Variants in MEMO1 observed in about 807,000 individuals in gnomAD.
The protein encoded by MEMO1 is mediator of cell motility 1, also known as protein MEMO1.
Under a neutral mutation model 45.2 loss-of-function variants are expected in MEMO1, and 6 were observed. That is an observed-to-expected ratio of 0.13 (90% CI 0.07 to 0.26). MEMO1 has a LOEUF of 0.26. Among genes scored for constraint, MEMO1 ranks in the 10% least tolerant of loss-of-function variants. MEMO1 has a pLI of 1.00. For synonymous variants in MEMO1, 78 were observed against 124.3 expected (o/e 0.63, Z 2.48); for missense variants, 184 against 370.5 (o/e 0.50, Z 4.13).
chr2:31,997,273 A>G (rs555885023), intron 2 of MEMO1, among the ~76,000 whole-genome samples: 3 of 152,358 alleles, frequency 2.0e-5, no homozygotes, highest in East Asian at 1.9e-4. Flanking sequence ...GTAAAATGTA[A>G]TAAGAAATCG....
At chr2:31,990,571 C>CATT (rs1349949014) in intron 2 of MEMO1, among the ~76,000 whole-genome samples, 2 of 119,996 alleles carry the variant, frequency 1.7e-5, no homozygotes, top group Non-Finnish European at 1.8e-5. Context: ...AATTTTTTTT[C>CATT]TTTTTTTTTT....
At chr2:31,958,896 C>G (rs1180272307) in intron 2 of MEMO1, among the ~76,000 whole-genome samples, 2 of 152,216 alleles carry the variant, frequency 1.3e-5, no homozygotes, top group Non-Finnish European at 2.9e-5. Context: ...AGCAATCCAT[C>G]TGCCTCAGCC....
chr2:31,977,430 C>T (rs959659102), intron 2 of MEMO1, among the ~76,000 whole-genome samples: 4 of 152,048 alleles, frequency 2.6e-5, no homozygotes, highest in Non-Finnish European at 5.9e-5. Flanking sequence ...CAATGATGAC[C>T]GCAGGAAAAC....
chr2:31,947,769 T>C (rs1479389681), intron 2 of MEMO1, among the ~76,000 whole-genome samples: 1 of 152,108 alleles, frequency 6.6e-6, no homozygotes, highest in Non-Finnish European at 1.5e-5. Context: ...AAGAATATTT[T>C]CCAAGTAAGT....
At chr2:32,010,422 CAGG>C (rs1162981241) in intron 1 of MEMO1, 158 bp from the exon 2 acceptor site, 12 of 415,016 alleles carry the variant, frequency 2.9e-5, no homozygotes, top group Non-Finnish European at 4.5e-5. Flanking sequence ...GGCGGCGGCC[CAGG>C]AGGAGGAGAT....
At chr2:31,927,753 T>C (rs1351084826) in intron 4 of MEMO1, among the ~76,000 whole-genome samples, 1 of 152,036 alleles carries the variant, frequency 6.6e-6, no homozygotes, top group Admixed American at 6.5e-5. Context: ...ATTTGTTTAC[T>C]TTTTTAAATA....
chr2:31,968,627 A>G (rs1388530723), intron 2 of MEMO1, among the ~76,000 whole-genome samples: 1 of 152,170 alleles, frequency 6.6e-6, no homozygotes, highest in African/African-American at 2.4e-5. Flanking sequence ...CTTTTCTTTC[A>G]ATTGTTTCCC....
intron 2 of MEMO1, among the ~76,000 whole-genome samples, chr2:31,953,486 C>T (rs977602039): frequency 1.3e-5 from 2 of 148,366 alleles, no homozygotes; most frequent in Admixed American, 1.3e-4. Context: ...GACGGAGTCT[C>T]GCTCTGTCAC....
chr2:31,923,610 C>T, intron 4 of MEMO1: 3 of 1,525,112 alleles, frequency 2.0e-6, no homozygotes, highest in Non-Finnish European at 2.6e-6. Context: ...GTTTAGGTAG[C>T]CTGACTAGGG....
intron 6 of MEMO1, among the ~76,000 whole-genome samples, chr2:31,894,974 C>T (rs905612154): frequency 6.6e-6 from 1 of 151,962 alleles, no homozygotes; most frequent in South Asian, 2.1e-4. Context: ...TAGCTAAGCA[C>T]TAAATTAAGG....
At chr2:31,956,826 T>C (rs926572716) in intron 2 of MEMO1, among the ~76,000 whole-genome samples, 1 of 152,170 alleles carries the variant, frequency 6.6e-6, no homozygotes, top group Non-Finnish European at 1.5e-5. Flanking sequence ...TTTGTATTTA[T>C]GTAGAATATC....
At chr2:31,968,632 T>C (rs1295805065) in intron 2 of MEMO1, among the ~76,000 whole-genome samples, 1 of 152,198 alleles carries the variant, frequency 6.6e-6, no homozygotes, top group East Asian at 1.9e-4. Flanking sequence ...CTTTCAATTG[T>C]TTCCCTGACA....
chr2:31,922,956 G>A (rs1682539233), intron 4 of MEMO1, among the ~76,000 whole-genome samples: 1 of 151,906 alleles, frequency 6.6e-6, no homozygotes, highest in African/African-American at 2.4e-5. Context: ...TGTCTTTATG[G>A]CAGAACAATT....
intron 6 of MEMO1, among the ~76,000 whole-genome samples, chr2:31,896,282 C>CTTAATTA (rs1677800394): frequency 6.6e-6 from 1 of 152,130 alleles, no homozygotes; most frequent in Non-Finnish European, 1.5e-5. Flanking sequence ...CTTTGCTTCA[C>CTTAATTA]ACCATATGCA....
At chr2:31,882,174 T>C (rs1315755132) in intron 8 of MEMO1, among the ~76,000 whole-genome samples, 1 of 151,458 alleles carries the variant, frequency 6.6e-6, no homozygotes, top group Non-Finnish European at 1.5e-5. Context: ...TAAATATTAG[T>C]TGGGTATGGT....
intron 2 of MEMO1, among the ~76,000 whole-genome samples, chr2:31,958,371 G>A (rs866589581): frequency 1.3e-5 from 2 of 151,194 alleles, no homozygotes; most frequent in Admixed American, 6.6e-5. Context: ...ATGTAAAAAA[G>A]GTGCCTGGAT....
chr2:31,948,441 G>T (rs1006102560), intron 2 of MEMO1, among the ~76,000 whole-genome samples: 3 of 152,198 alleles, frequency 2.0e-5, no homozygotes, highest in Non-Finnish European at 4.4e-5. Flanking sequence ...CCAAATAAAA[G>T]TAGGCCGTTG....
At chr2:31,898,466 G>A (rs559805405) in intron 6 of MEMO1, among the ~76,000 whole-genome samples, 7 of 152,144 alleles carry the variant, frequency 4.6e-5, no homozygotes, top group East Asian at 1.9e-4. Flanking sequence ...CCTTAATTTC[G>A]TAATTTACCC....
chr2:31,871,976 T>TGCACTCCA (rs1673826450), intron 8 of MEMO1, among the ~76,000 whole-genome samples: 1 of 149,498 alleles, frequency 6.7e-6, no homozygotes, highest in Non-Finnish European at 1.5e-5. Flanking sequence ...ATTGTGCCAC[T>TGCACTCCA]GCACTCCAGC....
Sources: gnomAD v4.1 joint callset for allele counts (sites outside exome capture counted in the v4.1 genomes callset) on GRCh38, gnomAD v4.1.1 for gene constraint, MANE v1.5 for transcripts, NCBI Gene and HGNC (gene_info 2026-07-23, HGNC 2026-07-21) for gene names.